The following MED28 variants were observed in gnomAD, a reference collection of about 807,000 sequenced individuals.
The protein encoded by MED28 is mediator complex subunit 28.
MED28 carries 26 observed loss-of-function variants against 21.3 expected under a neutral mutation model. The ratio of observed to expected loss-of-function variants is 1.22; its 90% confidence interval spans 0.89 to 1.69. The LOEUF (loss-of-function observed/expected upper bound fraction) is 1.69, where lower values mean the gene tolerates loss of function less well. Ranked by LOEUF, MED28 falls within the 40% of genes most tolerant of loss-of-function variation. The probability of loss-of-function intolerance (pLI) is 0.00; values close to 1 mark genes in which losing one functional copy is unlikely to be tolerated. For synonymous variants in MED28, 110 were observed against 87.6 expected (o/e 1.26, Z -1.43); for missense variants, 257 against 215.4 (o/e 1.19, Z -1.21).
chr4:17,622,438 A>C (rs985459548), intron 3 of MED28, among the ~76,000 whole-genome samples: 16 of 152,228 alleles, frequency 1.1e-4, no homozygotes, highest in African/African-American at 3.9e-4. Context: ...TCATTTCCTG[A>C]TGTGAATACT....
chr4:17,630,351 G>A lies in MED28; in HGVS notation c.*6553G>A, dbSNP rs1714888077. On this transcript the variant is annotated 3_prime_UTR_variant, in exon 4 of 4. Coordinates refer to ENST00000237380, the MANE Select transcript of MED28 (RefSeq NM_025205.5). Reference sequence around the variant, plus strand: ...GAGGTGGGGCTTTTGGGAAGCAATGGAGTCATGAGGGCTTCACCCTCATGA... The same window carrying A: ...GAGGTGGGGCTTTTGGGAAGCAATGAAGTCATGAGGGCTTCACCCTCATGA... 6.6e-6 allele frequency: 1 copy of A among 152,152 alleles called. No homozygotes were observed. The highest frequency in any genetic ancestry group is 6.5e-5 in the Admixed American group (1 of 15,278). 9.4% of individuals were successfully genotyped at this position (152,152 alleles called of 1,614,324 possible).
chr4:17,615,006 A>G (rs1303222195), intron 1 of MED28, among the ~76,000 whole-genome samples, 193 bp downstream of exon 1: 1 of 152,170 alleles, frequency 6.6e-6, no homozygotes, highest in Non-Finnish European at 1.5e-5. Flanking sequence ...GGGGGCGCGT[A>G]AACTCGACGT....
rs1714959500 is a variant in MED28, at chr4:17,631,989, A to G, written c.*8191A>G. The G allele has an allele frequency of 6.6e-6, 1 of 151,112 alleles. No individual in the cohort carries two copies. The highest frequency in any genetic ancestry group is 1.5e-5 in the Non-Finnish European group (1 of 67,912). 9.4% of individuals were successfully genotyped at this position (151,112 alleles called of 1,614,324 possible). A position where few individuals can be genotyped will look rare whatever the true frequency, so the allele number is the denominator to read the frequency against. The stretch of plus-strand genomic sequence containing the variant: ...GAAATACAAGGTATGGGTCATTAGT[A>G]ACGCTAATAACATTTTCCTATAGAT... On this transcript the variant is annotated 3_prime_UTR_variant, in exon 4 of 4. Coordinates refer to ENST00000237380, the MANE Select transcript of MED28 (RefSeq NM_025205.5).
chr4:17,620,337 C>T (rs532748653), intron 2 of MED28, among the ~76,000 whole-genome samples: 147 of 148,508 alleles, frequency 9.9e-4, no homozygotes, highest in African/African-American at 3.4e-3. Flanking sequence ...CTGATTTCTT[C>T]GTACCATATT....
rs1482385313 is a variant in MED28 at position 17,623,925 on chromosome 4, TC to T, written c.*130del. ...TAATGAGTTCATTTTAGTTTTATGCTCCCATTGAAAAATTTTCCACTATTTT... is the reference window on the plus strand; with the variant it reads ...TAATGAGTTCATTTTAGTTTTATGCTCCATTGAAAAATTTTCCACTATTTT... On this transcript the variant is annotated 3_prime_UTR_variant, in exon 4 of 4. Transcript: ENST00000237380. 11 of 1,070,140 alleles carry T rather than the reference TC, an allele frequency of 1.0e-5. No individual in the cohort carries two copies. Among genetic ancestry groups the T allele is most frequent in the African/African-American group, 1.6e-5 (1 of 62,320 alleles). 66.3% of individuals were successfully genotyped at this position (1,070,140 alleles called of 1,614,324 possible).
At position 17,632,749 on chromosome 4, in the gene MED28, T is replaced by G; in HGVS notation, c.*8951T>G. 2 of 636,166 alleles carry G rather than the reference T, an allele frequency of 3.1e-6. No individual in the cohort carries two copies. Among genetic ancestry groups the G allele is most frequent in the Non-Finnish European group, 5.5e-6 (2 of 365,396 alleles). 39.4% of individuals were successfully genotyped at this position (636,166 alleles called of 1,614,324 possible). On this transcript the variant is annotated 3_prime_UTR_variant, in exon 4 of 4. Coordinates refer to ENST00000237380, the MANE Select transcript of MED28 (RefSeq NM_025205.5). Reference sequence around the variant, plus strand: ...CTCTTCAAAAACACCCAAATGGGACTGGCCAACATTAGTAGTGGGAAACAA... The same window carrying G: ...CTCTTCAAAAACACCCAAATGGGACGGGCCAACATTAGTAGTGGGAAACAA...
At chr4:17,622,084 G>A (rs1714653069) in intron 3 of MED28, among the ~76,000 whole-genome samples, 1 of 152,198 alleles carries the variant, frequency 6.6e-6, no homozygotes, top group East Asian at 1.9e-4. Context: ...GGAATCCAAG[G>A]AATCAAAAAG....
At position 17,625,576 on chromosome 4, in the gene MED28, G is replaced by C. The variant is rs76409052; in HGVS notation, c.*1778G>C. 2 of 417,936 alleles carry C rather than the reference G, an allele frequency of 4.8e-6. No individual in the cohort carries two copies. Among genetic ancestry groups the C allele is most frequent in the Non-Finnish European group, 9.5e-6 (2 of 211,366 alleles). 25.9% of individuals were successfully genotyped at this position (417,936 alleles called of 1,614,324 possible). A position where few individuals can be genotyped will look rare whatever the true frequency, so the allele number is the denominator to read the frequency against. On this transcript the variant is annotated 3_prime_UTR_variant, in exon 4 of 4. Coordinates refer to ENST00000237380, the MANE Select transcript of MED28 (RefSeq NM_025205.5). ...GTGAAAAGATTTTGAATTACTGTACGTACCAGTTGTTGCCATTTCTTTATT... is the reference window on the plus strand; with the variant it reads ...GTGAAAAGATTTTGAATTACTGTACCTACCAGTTGTTGCCATTTCTTTATT...
chr4:17,620,147 T>C (rs994468018), intron 2 of MED28, 180 bp downstream of exon 2: 4 of 614,320 alleles, frequency 6.5e-6, no homozygotes, highest in Non-Finnish European at 1.2e-5. Flanking sequence ...AATTGACATA[T>C]CACCCATAAC....
Position 17,624,449 on chromosome 4 carries a change from G to A in MED28, c.*651G>A, listed in dbSNP as rs1714721200. ...TGTTTGGGGTATGTTTATATTTTAT[G>A]TGGTGTTTACTTTTTTTTTTTGACA... On this transcript the variant is annotated 3_prime_UTR_variant, in exon 4 of 4. Transcript: ENST00000237380. 1.3e-5 allele frequency: 2 copies of A among 152,106 alleles called. No individual in the cohort carries two copies. The highest frequency in any genetic ancestry group is 4.8e-5 in the African/African-American group (2 of 41,318). The allele number at this position is 152,106 out of a possible 1,614,324, so 9.4% of individuals were successfully genotyped here.
rs1351368596 is a variant in MED28, at chr4:17,630,607, A to AAGAC, written c.*6811_*6814dup. ...TTTGTTAGAGCAGCCTGAACGAACT[A>AAGAC]AGACACTCTAAGCGGGAAACTCACA... On this transcript the variant is annotated 3_prime_UTR_variant, in exon 4 of 4. Coordinates refer to ENST00000237380, the MANE Select transcript of MED28 (RefSeq NM_025205.5). The AAGAC allele has an allele frequency of 6.6e-6, 1 of 152,238 alleles. No homozygotes were observed. Among genetic ancestry groups the AAGAC allele is most frequent in the Non-Finnish European group, 1.5e-5 (1 of 68,046 alleles). The allele number at this position is 152,238 out of a possible 1,614,324, so 9.4% of individuals were successfully genotyped here.
chr4:17,615,197 G>T (rs1322843869), intron 1 of MED28, among the ~76,000 whole-genome samples: 5 of 152,188 alleles, frequency 3.3e-5, no homozygotes, highest in Non-Finnish European at 1.5e-5. Context: ...TTTCCGCTGG[G>T]CTTCACCTTT....
At position 17,630,355 on chromosome 4, in the gene MED28, C is replaced by T. The variant is rs969107114; in HGVS notation, c.*6557C>T. 1.3e-5 allele frequency: 2 copies of T among 152,120 alleles called. No homozygotes were observed. The highest frequency in any genetic ancestry group is 2.4e-5 in the African/African-American group (1 of 41,426). The allele number at this position is 152,120 out of a possible 1,614,324, so 9.4% of individuals were successfully genotyped here. ...TGGGGCTTTTGGGAAGCAATGGAGT[C>T]ATGAGGGCTTCACCCTCATGAGTAG... On this transcript the variant is annotated 3_prime_UTR_variant, in exon 4 of 4. Transcript: ENST00000237380.
chr4:17,619,260 G>A (rs1282154942), intron 1 of MED28, among the ~76,000 whole-genome samples: 9 of 152,170 alleles, frequency 5.9e-5, no homozygotes, highest in African/African-American at 2.2e-4. Context: ...TTATCCATGT[G>A]ATACCAACCT....
At chr4:17,622,468 G>A (rs1171789009) in intron 3 of MED28, among the ~76,000 whole-genome samples, 2 of 152,226 alleles carry the variant, frequency 1.3e-5, no homozygotes, top group East Asian at 3.8e-4. Context: ...GTGCAGGTAT[G>A]TCCAAGACTG....
intron 3 of MED28, among the ~76,000 whole-genome samples, chr4:17,622,411 C>G (rs114364373): frequency 6.6e-6 from 1 of 152,126 alleles, no homozygotes; most frequent in Non-Finnish European, 1.5e-5. Context: ...GCTATTCTTA[C>G]AGTTTATCAT....
At chr4:17,623,324 C>T (rs1159254294) in intron 3 of MED28, among the ~76,000 whole-genome samples, 2 of 149,762 alleles carry the variant, frequency 1.3e-5, no homozygotes, top group Non-Finnish European at 3.0e-5. Context: ...TCACTTGAAC[C>T]CGGGAGGTGG....
rs1433011952 is a variant in MED28 at position 17,625,692 on chromosome 4, C to G, written c.*1894C>G. The G allele has an allele frequency of 1.1e-5, 5 of 446,726 alleles. No homozygotes were observed. The highest frequency in any genetic ancestry group is 7.7e-5 in the Admixed American group (3 of 39,154). The allele number at this position is 446,726 out of a possible 1,614,324, so 27.7% of individuals were successfully genotyped here. ...GGTGATGAATAATCCTCTAAGAAAC[C>G]CTCTGAGCTGCTAACTTTTTCAGGG... On this transcript the variant is annotated 3_prime_UTR_variant, in exon 4 of 4. Coordinates refer to ENST00000237380, the MANE Select transcript of MED28 (RefSeq NM_025205.5).
At chr4:17,619,128 C>G (rs541116205) in intron 1 of MED28, among the ~76,000 whole-genome samples, 3 of 152,346 alleles carry the variant, frequency 2.0e-5, no homozygotes, top group South Asian at 4.1e-4. Context: ...TCCCTGCCCA[C>G]TTCCTGCAGT....
Sources: allele counts gnomAD v4.1 joint callset (sites outside exome capture counted in the v4.1 genomes callset), GRCh38; gene constraint gnomAD v4.1.1; transcripts MANE v1.5; gene names NCBI Gene and HGNC (gene_info 2026-07-23, HGNC 2026-07-21).